The following LHCGR variants were observed in gnomAD, a reference collection of about 807,000 sequenced individuals.
LHCGR encodes luteinizing hormone/choriogonadotropin receptor.
In LHCGR, 55 loss-of-function variants were observed where a neutral mutation model predicts 60.7. That is an observed-to-expected ratio of 0.91 (90% CI 0.73 to 1.13). LHCGR has a LOEUF of 1.13. Among genes scored for constraint, LHCGR ranks in the 50% most tolerant of loss-of-function variants. The pLI is 0.00. For synonymous variants in LHCGR, 337 were observed against 316.5 expected, an observed-to-expected ratio of 1.06 and a Z score of -0.69; for missense variants, 862 against 836.0, an observed-to-expected ratio of 1.03 and a Z score of -0.38.
chr2:48,754,778 G>T (rs1010542594), intron 1 of LHCGR, among the ~76,000 whole-genome samples: 1 of 152,068 alleles, frequency 6.6e-6, no homozygotes, highest in Non-Finnish European at 1.5e-5. Flanking sequence ...ATGACACCCT[G>T]ATAGTCTAGT....
At position 48,687,272 on chromosome 2, in the gene LHCGR, TG is replaced by T. The variant is rs1679938760; in HGVS notation, c.*424del. ...GGCTAGTGGCTACCGGATTGGACAG[TG>T]CATCTCTAGAGTGTGTTTTTCAAAC... On this transcript the variant is annotated 3_prime_UTR_variant, in exon 11 of 11. Transcript: ENST00000294954. 1 of 174,878 alleles carries T rather than the reference TG, an allele frequency of 5.7e-6. No homozygotes were observed. The highest frequency in any genetic ancestry group is 1.2e-5 in the Non-Finnish European group (1 of 81,204). 10.8% of individuals were successfully genotyped at this position (174,878 alleles called of 1,614,324 possible).
chr2:48,717,113 C>T (rs985379295), intron 6 of LHCGR, among the ~76,000 whole-genome samples: 3 of 152,176 alleles, frequency 2.0e-5, no homozygotes, highest in African/African-American at 7.2e-5. Context: ...GGATTGCTTT[C>T]TCTACCTTCT....
chr2:48,705,503 C>A lies in LHCGR; in HGVS notation c.680+3445G>T, dbSNP rs565484961. 2.6e-5 allele frequency among the ~76,000 whole-genome samples: 4 copies of A among 152,194 alleles called. No homozygotes were observed. The South Asian group carries it at 6.2e-4, about 24-fold the overall frequency. ...TTGACAGTTGGATGTTAAAGTCTCC[C>A]ATTATTATTGTGTGGGAGTCTAAGT... is the stretch of plus-strand genomic sequence containing the variant. On this transcript the variant is annotated intron_variant, in intron 8 of 10. Transcript: ENST00000294954.
chr2:48,755,623 G>C lies in LHCGR; in HGVS notation c.49C>G (p.Leu17Val). 1 of 1,535,336 alleles carries C rather than the reference G, an allele frequency of 6.5e-7. No homozygotes were observed. Among genetic ancestry groups the C allele is most frequent in the Non-Finnish European group, 8.7e-7 (1 of 1,145,624 alleles). Residue 17 changes from leucine to valine, a missense_variant, in exon 1 of 11, where the codon CTG (leucine) becomes GTG (valine). Leu to Val is a conservative substitution (Grantham distance 32, BLOSUM62 1). Coordinates refer to ENST00000294954, the MANE Select transcript of LHCGR (RefSeq NM_000233.4). Reference sequence around the variant, plus strand: ...AGCGCTCGTGGCAGCGGCGGCTGCAGCAGCAGCAGCAGCTTCAGCAGCTGC... The same window carrying C: ...AGCGCTCGTGGCAGCGGCGGCTGCACCAGCAGCAGCAGCTTCAGCAGCTGC... ...ALQLLKLLLL[L>V]QPPLPRALRE...
intron 8 of LHCGR, among the ~76,000 whole-genome samples, chr2:48,705,907 T>G (rs565557158): frequency 6.6e-6 from 1 of 152,210 alleles, no homozygotes; most frequent in African/African-American, 2.4e-5. Flanking sequence ...AAGATTAATA[T>G]TGTTATGTGT....
chr2:48,727,252 C>A (rs950861471), intron 3 of LHCGR, among the ~76,000 whole-genome samples: 3 of 150,268 alleles, frequency 2.0e-5, no homozygotes, highest in African/African-American at 4.9e-5. Flanking sequence ...ACAGTGAGAC[C>A]CTGTATAAAA....
At chr2:48,740,070 A>C (rs896577212) in intron 1 of LHCGR, among the ~76,000 whole-genome samples, 8 of 152,230 alleles carry the variant, frequency 5.3e-5, no homozygotes, top group African/African-American at 1.9e-4. Context: ...TAGTCAAAGA[A>C]AGGGGTGACA....
chr2:48,727,361 G>A (rs894822735), intron 3 of LHCGR, among the ~76,000 whole-genome samples: 4 of 152,128 alleles, frequency 2.6e-5, no homozygotes, highest in Non-Finnish European at 5.9e-5. Context: ...ACCTACATGT[G>A]GCAAGCATCG....
At position 48,740,194 on chromosome 2, in the gene LHCGR, C is replaced by A. The variant is rs564226895; in HGVS notation, c.162-8896G>T. On this transcript the variant is annotated intron_variant, in intron 1 of 10. Coordinates refer to ENST00000294954, the MANE Select transcript of LHCGR (RefSeq NM_000233.4). ...CGCACCTGGCTCGGAGGGTCTTACG[C>A]CCATGGAGTCTCACTTGTTGCTAGC... is the stretch of plus-strand genomic sequence containing the variant. Among the ~76,000 whole-genome samples the A allele has an allele frequency of 2.6e-5, 4 of 152,388 alleles. No homozygotes were observed. In the East Asian group the frequency reaches 7.7e-4, roughly 29 times the overall value.
chr2:48,750,381 A>G (rs965270166), intron 1 of LHCGR, among the ~76,000 whole-genome samples: 21 of 152,222 alleles, frequency 1.4e-4, no homozygotes, highest in Admixed American at 6.5e-5. Flanking sequence ...AAATAAAATG[A>G]AAACAATCTA....
intron 1 of LHCGR, among the ~76,000 whole-genome samples, chr2:48,743,795 G>A (rs1341967892): frequency 1.3e-5 from 2 of 152,096 alleles, no homozygotes; most frequent in Non-Finnish European, 2.9e-5. Context: ...AGACAGGGAT[G>A]CCCTCTCTCA....
At chr2:48,728,089 T>C (rs1427520571) in intron 3 of LHCGR, among the ~76,000 whole-genome samples, 1 of 13,874 alleles carries the variant, frequency 7.2e-5, no homozygotes, top group African/African-American at 8.0e-4. Flanking sequence ...CATTATGAGT[T>C]TTTTTTTTTT....
At position 48,702,463 on chromosome 2, in the gene LHCGR, C is replaced by T. The variant is rs370185229; in HGVS notation, c.681-3663G>A. Among the ~76,000 whole-genome samples the T allele has an allele frequency of 1.1e-4, 16 of 152,038 alleles. No homozygotes were observed. The South Asian group carries it at 1.9e-3, about 18-fold the overall frequency. On this transcript the variant is annotated intron_variant, in intron 8 of 10. Coordinates refer to ENST00000294954, the MANE Select transcript of LHCGR (RefSeq NM_000233.4). ...GGTGTGTGATGTTCCCCCTCCGTGT[C>T]GATGTGTTCTCATTGATCAACTCCC...
chr2:48,713,848 C>T, intron 7 of LHCGR, 138 bp downstream of exon 7: 1 of 739,580 alleles, frequency 1.4e-6, no homozygotes, highest in Non-Finnish European at 2.4e-6. Context: ...TGCCTAGTAA[C>T]ATGCATGAAA....
intron 5 of LHCGR, 35 bp from the exon 6 acceptor site, chr2:48,723,568 A>C: frequency 1.9e-6 from 3 of 1,606,372 alleles, no homozygotes; most frequent in Non-Finnish European, 1.7e-6. Context: ...TTACTTTCTA[A>C]ATTTTAGCTG....
intron 6 of LHCGR, among the ~76,000 whole-genome samples, chr2:48,715,410 T>C (rs1303315335): frequency 6.6e-6 from 1 of 152,212 alleles, no homozygotes; most frequent in Non-Finnish European, 1.5e-5. Context: ...TGAATGATGA[T>C]GTAAAACCCA....
rs1668583132 is a variant in LHCGR at position 48,723,358 on chromosome 2, G to A, written c.536+98C>T. On this transcript the variant is annotated intron_variant, in intron 6 of 10. Transcript: ENST00000294954. The stretch of plus-strand genomic sequence containing the variant: ...GTTAAGAAGAATGTCACCAGTGAGT[G>A]AGGAATGTGGTAAAACATGAGAAAA... The A allele has an allele frequency of 8.4e-6, 7 of 834,376 alleles. No homozygotes were observed. The Admixed American group carries it at 1.3e-4, about 16-fold the overall frequency. The allele number at this position is 834,376 out of a possible 1,614,324, so 51.7% of individuals were successfully genotyped here.
intron 1 of LHCGR, among the ~76,000 whole-genome samples, chr2:48,746,073 A>G (rs980275571): frequency 6.6e-6 from 1 of 152,180 alleles, no homozygotes; most frequent in South Asian, 2.1e-4. Flanking sequence ...CTATGTTTAC[A>G]TAATACTAAT....
At chr2:48,752,981 C>CGGGGGGGGGGGGGGGGGGGGGGG (rs60837194) in intron 1 of LHCGR, among the ~76,000 whole-genome samples, 5 of 7,602 alleles carry the variant, frequency 6.6e-4, no homozygotes, top group African/African-American at 1.6e-3. Flanking sequence ...CGGATTTTGG[C>CGGGGGGGGGGGGGGGGGGGGGGG]GGGGGGGGGG....
Sources: gnomAD v4.1 joint callset for allele counts (sites outside exome capture counted in the v4.1 genomes callset) on GRCh38, gnomAD v4.1.1 for gene constraint, MANE v1.5 for transcripts, NCBI Gene and HGNC (gene_info 2026-07-23, HGNC 2026-07-21) for gene names.